The following GZMM variants were observed in gnomAD, a reference collection of about 807,000 sequenced individuals.
GZMM encodes HU-Met-1.
A neutral mutation model predicts 19.2 loss-of-function variants in GZMM; 23 were observed. That is an observed-to-expected ratio of 1.20 (90% CI 0.86 to 1.69). The LOEUF (loss-of-function observed/expected upper bound fraction) is 1.69. Ranked by LOEUF, GZMM falls within the 40% of genes most tolerant of loss-of-function variation. The pLI is 0.00. For missense variants in GZMM, 373 were observed against 352.2 expected (o/e 1.06, Z -0.47); for synonymous variants, 178 against 160.2 (o/e 1.11, Z -0.84).
chr19:546,602 G>A (rs182536517), intron 1 of GZMM, among the ~76,000 whole-genome samples: 1 of 151,494 alleles, frequency 6.6e-6, no homozygotes, highest in East Asian at 2.0e-4. Flanking sequence ...CACTTTGGGA[G>A]GCTGAGATGG....
chr19:548,950 C>T lies in GZMM; in HGVS notation c.377C>T (p.Thr126Ile). 1 of 1,591,294 alleles carries T rather than the reference C, an allele frequency of 6.3e-7. No homozygotes were observed. The highest frequency in any genetic ancestry group is 8.6e-7 in the Non-Finnish European group (1 of 1,166,958). Residue 126 changes from threonine to isoleucine, a missense_variant, in exon 4 of 5, where the codon ACC becomes ATC. Coordinates refer to ENST00000264553, the MANE Select transcript of GZMM (RefSeq NM_005317.4). The stretch of plus-strand genomic sequence containing the variant: ...GACGGGAAAGTGAAGCCCAGCCGGA[C>T]CATCCGGCCGTTGGCCCTGCCCAGT... ...QLDGKVKPSR[T>I]IRPLALPSKR...
At chr19:547,470 G>A (rs773118602) in intron 2 of GZMM, 34 bp downstream of exon 2, 36 of 1,344,036 alleles carry the variant, frequency 2.7e-5, no homozygotes, top group Middle Eastern at 2.1e-4. Context: ...CCAGGGGTCC[G>A]GGGAATCCAT....
rs200896181 is a variant in GZMM at position 548,689 on chromosome 19, C to T, written c.348+12C>T. 7.7e-4 allele frequency: 1,243 copies of T among 1,609,716 alleles called. 9 individuals carry two copies. The highest frequency in any genetic ancestry group is 7.1e-3 in the South Asian group (641 of 90,740). The stretch of plus-strand genomic sequence containing the variant: ...TCGCGCTGCTTCAGGTGTGCAGGGA[C>T]GGGACAGGGAGAACTGGGCACCCTC... On this transcript the variant is annotated intron_variant, in intron 3 of 4. Coordinates refer to ENST00000264553, the MANE Select transcript of GZMM (RefSeq NM_005317.4).
chr19:546,904 G>A (rs975948803), intron 1 of GZMM, among the ~76,000 whole-genome samples: 6 of 151,704 alleles, frequency 4.0e-5, no homozygotes, highest in East Asian at 1.9e-4. Context: ...GGCTGGTCTC[G>A]AACTCCTGGC....
At chr19:545,310 C>T (rs1034202613) in intron 1 of GZMM, among the ~76,000 whole-genome samples, 3 of 152,196 alleles carry the variant, frequency 2.0e-5, no homozygotes, top group African/African-American at 7.2e-5. Context: ...GGGAAAGGTA[C>T]GCAGGCAGCT....
chr19:544,175 G>C (rs541446366), intron 1 of GZMM, 49 bp downstream of exon 1: 1 of 1,485,376 alleles, frequency 6.7e-7, no homozygotes, highest in South Asian at 1.2e-5. Context: ...CAGCGCTCTC[G>C]GTGGGTCCCT....
intron 1 of GZMM, among the ~76,000 whole-genome samples, chr19:544,722 C>A (rs1384972351): frequency 2.5e-5 from 3 of 121,022 alleles, no homozygotes; most frequent in South Asian, 6.4e-4. Flanking sequence ...CCCTCCCTCC[C>A]TCCCTCCCTC....
chr19:548,737 ACCCCCACTGCGCCCTC>A (rs1980386468), intron 3 of GZMM, 60 bp downstream of exon 3: 2 of 1,285,816 alleles, frequency 1.6e-6, no homozygotes, highest in Non-Finnish European at 1.0e-6. Flanking sequence ...GGTGCCCCTC[ACCCCCACTGCGCCCTC>A]CCCCCGCTGC....
At position 549,093 on chromosome 19, in the gene GZMM, C is replaced by T. The variant is rs549703952; in HGVS notation, c.520C>T (p.Arg174Cys). The T allele has an allele frequency of 1.2e-4, 198 of 1,586,226 alleles. 1 individual carries two copies. In the South Asian group the frequency reaches 1.7e-3, roughly 14 times the overall value. Residue 174 changes from arginine to cysteine, a missense_variant, in exon 4 of 5, where the codon CGC becomes TGC. Physicochemically the swap from Arg to Cys is radical, Grantham distance 180 (BLOSUM62 -3). Transcript: ENST00000264553. The stretch of plus-strand genomic sequence containing the variant: ...GCTGGACCTCCAAGTGCTGGACACC[C>T]GCATGTGTAACAACAGCCGCTTCTG... ...RELDLQVLDT[R>C]MCNNSRFWNG...
intron 2 of GZMM, among the ~76,000 whole-genome samples, 193 bp downstream of exon 2, chr19:547,629 A>C (rs1339836589): frequency 6.6e-6 from 1 of 152,218 alleles, no homozygotes; most frequent in Non-Finnish European, 1.5e-5. Context: ...TGCAAGAGGC[A>C]CTGGCAGGGC....
In GZMM at chr19:547,507, G is replaced by A. The variant is rs1980335964; in HGVS notation, c.212+71G>A. 4 of 1,203,282 alleles carry A rather than the reference G, an allele frequency of 3.3e-6. 1 individual carries two copies. In the Admixed American group the frequency reaches 1.3e-4, roughly 38 times the overall value. 74.5% of individuals were successfully genotyped at this position (1,203,282 alleles called of 1,614,324 possible). ...CGACGGCGCCCATTCTCTGCAGGGG[G>A]TGGGCTCTGGGAGATTTAGGCCCAT... On this transcript the variant is annotated intron_variant, in intron 2 of 4. Transcript: ENST00000264553.
At chr19:545,807 C>G (rs2145858387) in intron 1 of GZMM, among the ~76,000 whole-genome samples, 2 of 152,080 alleles carry the variant, frequency 1.3e-5, no homozygotes, top group East Asian at 3.9e-4. Flanking sequence ...CCTCGCCCGG[C>G]TAATTTTTTG....
intron 1 of GZMM, 73 bp downstream of exon 1, chr19:544,199 G>A (rs1980169039): frequency 2.3e-6 from 3 of 1,283,466 alleles, no homozygotes; most frequent in Admixed American, 2.0e-5. Context: ...TGGGAGGGGT[G>A]GGCGCGGGCG....
At chr19:547,491 C>G (rs2070795) in intron 2 of GZMM, 55 bp downstream of exon 2, 1 of 1,271,884 alleles carries the variant, frequency 7.9e-7, no homozygotes, top group Non-Finnish European at 1.0e-6. Flanking sequence ...CCGACGGCGC[C>G]CATTCTCTGC....
chr19:545,667 G>C (rs912093696), intron 1 of GZMM, among the ~76,000 whole-genome samples: 1 of 133,986 alleles, frequency 7.5e-6, no homozygotes, highest in African/African-American at 2.9e-5. Context: ...TTTTAAGATG[G>C]AGTTCTGCTA....
intron 2 of GZMM, among the ~76,000 whole-genome samples, chr19:548,205 T>A (rs1161006870): frequency 6.6e-6 from 1 of 152,184 alleles, no homozygotes; most frequent in Non-Finnish European, 1.5e-5. Flanking sequence ...TCAACCCCTG[T>A]ACAAATCACT....
At chr19:544,174 C>G (rs749793332) in intron 1 of GZMM, 48 bp downstream of exon 1, 2 of 1,481,594 alleles carry the variant, frequency 1.3e-6, no homozygotes, top group Admixed American at 2.0e-5. Flanking sequence ...CCAGCGCTCT[C>G]GGTGGGTCCC....
At chr19:547,241 T>TC in intron 1 of GZMM, 39 bp from the exon 2 acceptor site, 4 of 1,462,386 alleles carry the variant, frequency 2.7e-6, no homozygotes, top group Non-Finnish European at 3.6e-6. Context: ...AGCAGGGGCA[T>TC]GTAGCCCCAA....
chr19:547,513 T>C, intron 2 of GZMM, 77 bp downstream of exon 2: 3 of 1,173,188 alleles, frequency 2.6e-6, no homozygotes, highest in Non-Finnish European at 3.3e-6. Flanking sequence ...GGGGGTGGGC[T>C]CTGGGAGATT....
Sources: gnomAD v4.1 joint callset for allele counts (sites outside exome capture counted in the v4.1 genomes callset) on GRCh38, gnomAD v4.1.1 for gene constraint, MANE v1.5 for transcripts, NCBI Gene and HGNC (gene_info 2026-07-23, HGNC 2026-07-21) for gene names.